CHIC2: variants seen among roughly 807,000 people sequenced by gnomAD.
CHIC2 encodes cysteine rich hydrophobic domain 2, also known as cysteine-rich hydrophobic domain-containing protein 2.
CHIC2 carries 14 observed loss-of-function variants against 25.9 expected under a neutral mutation model. The observed-to-expected ratio is 0.54, with a 90% CI of 0.36 to 0.85. The LOEUF is 0.85. Ranked by LOEUF, CHIC2 falls within the 40% of genes least tolerant of loss-of-function variation. CHIC2 has a pLI of 0.01. For synonymous variants in CHIC2, 70 were observed against 72.0 expected, an observed-to-expected ratio of 0.97 and a Z score of 0.14; for missense variants, 146 against 202.0, an observed-to-expected ratio of 0.72 and a Z score of 1.68.
intron 3 of CHIC2, among the ~76,000 whole-genome samples, chr4:54,015,619 C>T (rs747512881): frequency 6.6e-6 from 1 of 152,036 alleles, no homozygotes; most frequent in Non-Finnish European, 1.5e-5. Context: ...GTAGGGAAAT[C>T]GATTTGATTC....
At chr4:54,054,104 T>C (rs1046387800) in intron 1 of CHIC2, among the ~76,000 whole-genome samples, 4 of 152,228 alleles carry the variant, frequency 2.6e-5, no homozygotes, top group African/African-American at 9.6e-5. Context: ...TATTTTATAA[T>C]GTACAATACC....
chr4:54,010,693 T>C (rs1052655046), intron 5 of CHIC2, among the ~76,000 whole-genome samples: 1 of 152,062 alleles, frequency 6.6e-6, no homozygotes, highest in African/African-American at 2.4e-5. Flanking sequence ...CTCCAAAGCC[T>C]TGCCCTTTAT....
At chr4:54,090,079 G>A in the CHIC2 span, among the ~76,000 whole-genome samples, 1 of 152,048 alleles carries the variant, frequency 6.6e-6, no homozygotes, top group African/African-American at 2.4e-5. Flanking sequence ...ACATGCAAAT[G>A]TTCCAAAACC....
chr4:54,016,531 A>G (rs1482018207), intron 3 of CHIC2, among the ~76,000 whole-genome samples: 2 of 152,174 alleles, frequency 1.3e-5, no homozygotes, highest in Non-Finnish European at 2.9e-5. Flanking sequence ...TAAGAATTAT[A>G]AAACAAACAA....
chr4:54,014,021 T>C, intron 4 of CHIC2, 42 bp downstream of exon 4: 1 of 1,606,566 alleles, frequency 6.2e-7, no homozygotes, highest in South Asian at 1.1e-5. Flanking sequence ...TACTGTGCAA[T>C]TCAGACCCCA....
chr4:54,086,576 T>G, the CHIC2 span, among the ~76,000 whole-genome samples: 10 of 152,152 alleles, frequency 6.6e-5, no homozygotes, highest in African/African-American at 2.4e-4. Flanking sequence ...ATGTAGCATA[T>G]AGTTGGAAAG....
intron 3 of CHIC2, among the ~76,000 whole-genome samples, chr4:54,042,992 T>C (rs1716627746): frequency 6.6e-6 from 1 of 152,040 alleles, no homozygotes; most frequent in South Asian, 2.1e-4. Context: ...CACATAAAAC[T>C]GTTCATTCAT....
Position 54,064,501 on chromosome 4 carries a change from C to T in CHIC2, c.-201G>A, listed in dbSNP as rs550652962. Reference sequence around the variant, plus strand: ...TCGCCGCCACCGCCGCCGCCATTACCATCAGCAATAACAACAACACAATGT... The same window carrying T: ...TCGCCGCCACCGCCGCCGCCATTACTATCAGCAATAACAACAACACAATGT... On this transcript the variant is annotated 5_prime_UTR_variant, in exon 1 of 6. An upstream start codon of the reference 5' UTR is lost. Coordinates refer to ENST00000263921, the MANE Select transcript of CHIC2 (RefSeq NM_012110.4). The surrounding 1 kb of genome is among the most constrained non-coding windows in gnomAD (Gnocchi z 4.2). 12 of 1,436,276 alleles carry T rather than the reference C, an allele frequency of 8.4e-6. No individual in the cohort carries two copies. In the South Asian group the frequency reaches 1.6e-4, roughly 20 times the overall value. The allele number at this position is 1,436,276 out of a possible 1,614,324, so 89.0% of individuals were successfully genotyped here.
the CHIC2 span, among the ~76,000 whole-genome samples, chr4:54,088,547 G>C: frequency 6.6e-6 from 1 of 152,110 alleles, no homozygotes; most frequent in African/African-American, 2.4e-5. Context: ...CAACAGAGGG[G>C]AAGGCTAGAG....
chr4:54,032,468 GTGTTGGCCGGGCCGGTCTCCAGCTCC>G (rs1716262799), intron 3 of CHIC2, among the ~76,000 whole-genome samples: 1 of 152,110 alleles, frequency 6.6e-6, no homozygotes, highest in Non-Finnish European at 1.5e-5. Context: ...GGGTTTCGCT[GTGTTGGCCGGGCCGGTCTCCAGCTCC>G]TAACCGCGAG....
At chr4:54,082,477 T>C in the CHIC2 span, among the ~76,000 whole-genome samples, 1 of 152,206 alleles carries the variant, frequency 6.6e-6, no homozygotes, top group South Asian at 2.1e-4. Context: ...GAAAGTCTTT[T>C]GGAAAGAAAA....
the CHIC2 span, chr4:54,087,096 G>A: frequency 1.3e-5 from 13 of 996,008 alleles, no homozygotes; most frequent in Middle Eastern, 2.1e-4. Context: ...AGGAAGATGT[G>A]GGGTCGCTCT....
intron 3 of CHIC2, among the ~76,000 whole-genome samples, chr4:54,025,854 C>CA (rs66736321): frequency 0.084 from 9,235 of 109,628 alleles, 362 homozygotes; most frequent in African/African-American, 0.13. Flanking sequence ...GACCCTGTCT[C>CA]AAAAAAAAAA....
At chr4:54,091,876 A>T in the CHIC2 span, among the ~76,000 whole-genome samples, 1 of 152,004 alleles carries the variant, frequency 6.6e-6, no homozygotes, top group Non-Finnish European at 1.5e-5. Flanking sequence ...GCGCAGACAC[A>T]CTCAAGGACT....
intron 1 of CHIC2, among the ~76,000 whole-genome samples, chr4:54,061,441 C>T (rs147676502): frequency 4.6e-4 from 70 of 152,114 alleles, no homozygotes; most frequent in African/African-American, 1.6e-3. Flanking sequence ...CTAGACTGAT[C>T]TAGACTACAG....
chr4:54,019,371 C>T (rs1409408392), intron 3 of CHIC2, among the ~76,000 whole-genome samples: 1 of 151,736 alleles, frequency 6.6e-6, no homozygotes, highest in East Asian at 1.9e-4. Flanking sequence ...ATTAAAACAC[C>T]CACTGAAGTA....
rs761375298 is a variant in CHIC2, at chr4:54,013,875, T to C, written c.409A>G (p.Ser137Gly). 1.9e-6 allele frequency: 3 copies of C among 1,613,390 alleles called. No individual in the cohort carries two copies. Among genetic ancestry groups the C allele is most frequent in the East Asian group, 4.5e-5 (2 of 44,860 alleles). Residue 137 changes from serine (S) to glycine (G), a missense_variant, in exon 5 of 6, where the codon AGC (serine) becomes GGC (glycine). Transcript: ENST00000263921. ...TTATTCGTTTCACATTTCCTTTTGC[T>C]CAGTCTCCAATGCAAGCACAGCTAG... ...YHKLCLHWRL[S>G]KRKCETNNMM...
intron 1 of CHIC2, among the ~76,000 whole-genome samples, chr4:54,050,338 C>T (rs1250910403): frequency 6.6e-6 from 1 of 152,244 alleles, no homozygotes; most frequent in East Asian, 1.9e-4. Context: ...TCATATCCCA[C>T]ATACATCCAT....
At chr4:54,064,674 C>G, upstream of CHIC2, 1 of 1,027,770 alleles carries the variant, frequency 9.7e-7, no homozygotes, top group Non-Finnish European at 1.2e-6. The surrounding 1 kb of genome is among the most constrained non-coding windows in gnomAD (Gnocchi z 4.2). Flanking sequence ...CCCGGGCCAA[C>G]GGGCGGGCGG....
Sources: allele counts gnomAD v4.1 joint callset (sites outside exome capture counted in the v4.1 genomes callset), GRCh38; gene constraint gnomAD v4.1.1; non-coding constraint Gnocchi (gnomAD v3.1); transcripts MANE v1.5; gene names NCBI Gene and HGNC (gene_info 2026-07-23, HGNC 2026-07-21).